Variants in WNT3A observed in about 807,000 individuals in gnomAD.
The protein encoded by WNT3A is protein Wnt-3a.
WNT3A carries 17 observed loss-of-function variants against 37.0 expected under a neutral mutation model. That is an observed-to-expected ratio of 0.46 (90% CI 0.31 to 0.69). The LOEUF (loss-of-function observed/expected upper bound fraction) is 0.69. WNT3A is among the 30% of genes least tolerant of loss of function. WNT3A has a pLI of 0.05. For missense variants in WNT3A, 411 were observed against 510.2 expected, an observed-to-expected ratio of 0.81 and a Z score of 1.87; for synonymous variants, 187 against 211.0, an observed-to-expected ratio of 0.89 and a Z score of 0.99.
At position 228,008,900 on chromosome 1, in the gene WNT3A, G is replaced by C. The variant is rs967019362; in HGVS notation, c.71+1701G>C. Among the ~76,000 whole-genome samples, 2 of 152,022 alleles carry C rather than the reference G, an allele frequency of 1.3e-5. No homozygotes were observed. Among genetic ancestry groups the C allele is most frequent in the African/African-American group, 4.8e-5 (2 of 41,396 alleles). ...GCATGTATACCTCCTTTTCACCTGG[G>C]CCCCCTGTGTTCTACCCTGAATGGA... is the stretch of plus-strand genomic sequence containing the variant. On this transcript the variant is annotated intron_variant, in intron 1 of 3. Transcript: ENST00000284523. This position sits in a 1 kb window ranked among gnomAD's most constrained non-coding sequence, Gnocchi z 4.9.
rs994053906 is a variant in WNT3A, at chr1:228,042,903, G to A, written c.314-7753G>A. Among the ~76,000 whole-genome samples the A allele has an allele frequency of 1.3e-5, 2 of 151,808 alleles. No individual in the cohort carries two copies. Among genetic ancestry groups the A allele is most frequent in the Admixed American group, 1.3e-4 (2 of 15,240 alleles). ...TGGTGGATGGTGGATGATTGTACAT[G>A]ATGGATAGTAGATATATGGATGATG... On this transcript the variant is annotated intron_variant, in intron 2 of 3. Transcript: ENST00000284523. This position sits in a 1 kb window ranked among gnomAD's most constrained non-coding sequence, Gnocchi z 5.2.
chr1:228,011,523 G>A (rs2030370244), intron 1 of WNT3A, among the ~76,000 whole-genome samples: 1 of 151,808 alleles, frequency 6.6e-6, no homozygotes, highest in African/African-American at 2.4e-5. Flanking sequence ...GTTTCTCCCT[G>A]TCTGTCTCTC....
In WNT3A at chr1:228,059,889, G is replaced by T. The variant is rs2124822180; in HGVS notation, c.*424G>T. The T allele has an allele frequency of 9.5e-7, 1 of 1,048,938 alleles. No homozygotes were observed. The highest frequency in any genetic ancestry group is 3.2e-5 in the South Asian group (1 of 31,328). The allele number at this position is 1,048,938 out of a possible 1,614,324, so 65.0% of individuals were successfully genotyped here. ...AGGTAGGCTTCTACCTGCAGGCGGGGCTCCTCCTGAAGGAGGCGGGGCTCT... is the reference window on the plus strand; with the variant it reads ...AGGTAGGCTTCTACCTGCAGGCGGGTCTCCTCCTGAAGGAGGCGGGGCTCT... On this transcript the variant is annotated 3_prime_UTR_variant, in exon 4 of 4. Transcript: ENST00000284523.
intron 1 of WNT3A, among the ~76,000 whole-genome samples, chr1:228,019,660 C>T (rs2030628018): frequency 6.6e-6 from 1 of 152,232 alleles, no homozygotes; most frequent in Non-Finnish European, 1.5e-5. Context: ...GACATCAAAG[C>T]CTTGTGTGTC....
rs2030716060 is a variant in WNT3A, at chr1:228,021,865, T to C, written c.72-802T>C. On this transcript the variant is annotated intron_variant, in intron 1 of 3. Transcript: ENST00000284523. Reference sequence around the variant, plus strand: ...CGGTCCCCAGCCTGAGGTTCTCAGGTTCTAGCCCTGAGTCCCCCATTGGGC... The same window carrying C: ...CGGTCCCCAGCCTGAGGTTCTCAGGCTCTAGCCCTGAGTCCCCCATTGGGC... Among the ~76,000 whole-genome samples the C allele has an allele frequency of 2.0e-5, 3 of 152,288 alleles. No homozygotes were observed. In the South Asian group the frequency reaches 6.2e-4, roughly 32 times the overall value.
At chr1:228,032,345 G>A (rs983850484) in intron 2 of WNT3A, among the ~76,000 whole-genome samples, 1 of 152,210 alleles carries the variant, frequency 6.6e-6, no homozygotes, top group Non-Finnish European at 1.5e-5. Flanking sequence ...CTGCACAGAT[G>A]GGAATCCCAG....
At chr1:228,015,722 C>T (rs892785824) in intron 1 of WNT3A, among the ~76,000 whole-genome samples, 6 of 151,314 alleles carry the variant, frequency 4.0e-5, no homozygotes, top group African/African-American at 1.5e-4. Flanking sequence ...CCACCCCCGC[C>T]GCCCAAGTGC....
chr1:228,055,170 AAAAAAAAAAAT>A (rs2031649218), intron 3 of WNT3A, among the ~76,000 whole-genome samples: 2 of 72,764 alleles, frequency 2.7e-5, no homozygotes, highest in African/African-American at 1.2e-4. Flanking sequence ...AAAAAAAAAA[AAAAAAAAAAAT>A]ATATATATAT....
chr1:228,012,690 G>A (rs1161379212), intron 1 of WNT3A, among the ~76,000 whole-genome samples: 1 of 152,132 alleles, frequency 6.6e-6, no homozygotes, highest in Admixed American at 6.6e-5. Context: ...CTATTGGCTG[G>A]GGAAGAAGGA....
chr1:228,015,777 C>T (rs761863984), intron 1 of WNT3A, among the ~76,000 whole-genome samples: 2 of 146,690 alleles, frequency 1.4e-5, no homozygotes, highest in South Asian at 4.3e-4. Flanking sequence ...AAGGACCCTT[C>T]GTCCTTGACC....
At position 228,007,231 on chromosome 1, in the gene WNT3A, C is replaced by T. The variant is rs1475257069; in HGVS notation, c.71+32C>T. The T allele has an allele frequency of 4.4e-6, 7 of 1,585,018 alleles. No individual in the cohort carries two copies. The African/African-American group carries it at 9.6e-5, about 22-fold the overall frequency. ...GAGCCTCCTCGCGTTCGCCCCTGCC[C>T]CTGTGCGCCGCGCCCGCAGCAGACG... is the stretch of plus-strand genomic sequence containing the variant. On this transcript the variant is annotated intron_variant, in intron 1 of 3. Coordinates refer to ENST00000284523, the MANE Select transcript of WNT3A (RefSeq NM_033131.4). This position sits in a 1 kb window ranked among gnomAD's most constrained non-coding sequence, Gnocchi z 6.0.
intron 1 of WNT3A, among the ~76,000 whole-genome samples, chr1:228,019,843 C>G (rs1399636092): frequency 6.6e-6 from 1 of 152,246 alleles, no homozygotes; most frequent in East Asian, 1.9e-4. Context: ...CACATGGAGT[C>G]ACACCATAGA....
intron 2 of WNT3A, among the ~76,000 whole-genome samples, chr1:228,044,771 G>A (rs1187552117): frequency 1.3e-5 from 2 of 152,210 alleles, no homozygotes; most frequent in Non-Finnish European, 2.9e-5. Context: ...ACCGCTTAGA[G>A]ACCTTGTGGC....
At chr1:228,048,137 C>T (rs887516372) in intron 2 of WNT3A, among the ~76,000 whole-genome samples, 1 of 152,290 alleles carries the variant, frequency 6.6e-6, no homozygotes, top group African/African-American at 2.4e-5. Flanking sequence ...GGGACGTAGC[C>T]CTGTATCCCC....
rs536200969 is a variant in WNT3A, at chr1:228,048,774, T to G, written c.314-1882T>G. 3.3e-5 allele frequency among the ~76,000 whole-genome samples: 5 copies of G among 151,988 alleles called. No individual in the cohort carries two copies. The East Asian group carries it at 9.7e-4, about 30-fold the overall frequency. On this transcript the variant is annotated intron_variant, in intron 2 of 3. Coordinates refer to ENST00000284523, the MANE Select transcript of WNT3A (RefSeq NM_033131.4). ...TGGCCAGGCCCACCCCCTCTCCTCATGCCCTTGCAGAAGTGTCTGCATACA... is the reference window on the plus strand; with the variant it reads ...TGGCCAGGCCCACCCCCTCTCCTCAGGCCCTTGCAGAAGTGTCTGCATACA...
At chr1:228,040,987 AT>A (rs2031270374) in intron 2 of WNT3A, among the ~76,000 whole-genome samples, 1 of 146,232 alleles carries the variant, frequency 6.8e-6, no homozygotes, top group African/African-American at 2.5e-5. Flanking sequence ...ATATATATAT[AT>A]ATATATAATA....
intron 1 of WNT3A, among the ~76,000 whole-genome samples, chr1:228,017,041 G>A: frequency 6.6e-6 from 1 of 152,230 alleles, no homozygotes; most frequent in South Asian, 2.1e-4. Context: ...CACATTTGAA[G>A]GGCATTGTAG....
rs373337481 is a variant in WNT3A at position 228,018,057 on chromosome 1, G to A, written c.72-4610G>A. 3.3e-5 allele frequency among the ~76,000 whole-genome samples: 5 copies of A among 152,342 alleles called. No individual in the cohort carries two copies. The East Asian group carries it at 7.7e-4, about 24-fold the overall frequency. On this transcript the variant is annotated intron_variant, in intron 1 of 3. Transcript: ENST00000284523. ...ATGAACATCCTTTTCACGTTCCAAG[G>A]TGGGATCCGGGAGTCCAGGTTGCAT...
intron 2 of WNT3A, among the ~76,000 whole-genome samples, chr1:228,040,305 G>C (rs2031247659): frequency 6.6e-6 from 1 of 152,152 alleles, no homozygotes; most frequent in Non-Finnish European, 1.5e-5. Flanking sequence ...TTAATACAAG[G>C]ATCGGCTTGG....
Sources: allele counts gnomAD v4.1 joint callset (sites outside exome capture counted in the v4.1 genomes callset), GRCh38; gene constraint gnomAD v4.1.1; non-coding constraint Gnocchi (gnomAD v3.1); transcripts MANE v1.5; gene names NCBI Gene and HGNC (gene_info 2026-07-23, HGNC 2026-07-21).